SLC24A3: variants seen among roughly 807,000 people sequenced by gnomAD.
The protein encoded by SLC24A3 is sodium/potassium/calcium exchanger 3.
SLC24A3 carries 28 observed loss-of-function variants against 75.8 expected under a neutral mutation model. The observed-to-expected ratio is 0.37, with a 90% CI of 0.27 to 0.51. SLC24A3 has a LOEUF of 0.51. Ranked by LOEUF, SLC24A3 falls within the 20% of genes least tolerant of loss-of-function variation. The probability of loss-of-function intolerance (pLI) is 0.94; values close to 1 mark genes in which losing one functional copy is unlikely to be tolerated. For missense variants in SLC24A3, 663 were observed against 847.8 expected (o/e 0.78, Z 2.71); for synonymous variants, 372 against 334.1 (o/e 1.11, Z -1.24).
At chr20:19,361,181 C>T (rs900390016) in intron 2 of SLC24A3, among the ~76,000 whole-genome samples, 6 of 152,216 alleles carry the variant, frequency 3.9e-5, no homozygotes, top group African/African-American at 1.4e-4. Context: ...CACTGGCTCT[C>T]ACATGTGGAA....
intron 6 of SLC24A3, among the ~76,000 whole-genome samples, chr20:19,639,185 C>T (rs1023746262): frequency 1.3e-5 from 2 of 152,164 alleles, no homozygotes; most frequent in Admixed American, 6.5e-5. Flanking sequence ...TACCTAGATA[C>T]AGAGTGTCCA....
chr20:19,229,700 T>A (rs2122145728), intron 1 of SLC24A3, among the ~76,000 whole-genome samples: 1 of 152,258 alleles, frequency 6.6e-6, no homozygotes, highest in East Asian at 1.9e-4. Flanking sequence ...TGGCTTCTTG[T>A]TGGTTTTGGT....
intron 6 of SLC24A3, among the ~76,000 whole-genome samples, chr20:19,617,142 C>G (rs1184625393): frequency 6.6e-6 from 1 of 152,220 alleles, no homozygotes; most frequent in Non-Finnish European, 1.5e-5. Context: ...AGTCAAAGCT[C>G]AAAATGAATC....
At chr20:19,249,547 G>T (rs974352825) in intron 1 of SLC24A3, among the ~76,000 whole-genome samples, 1 of 152,106 alleles carries the variant, frequency 6.6e-6, no homozygotes, top group Non-Finnish European at 1.5e-5. Context: ...TTCATTTCCA[G>T]TGTGAACATA....
intron 2 of SLC24A3, among the ~76,000 whole-genome samples, chr20:19,298,062 G>T (rs149482122): frequency 1.3e-5 from 2 of 152,236 alleles, no homozygotes; most frequent in African/African-American, 2.4e-5. Flanking sequence ...CTGATTTGCC[G>T]AGTAAACAGC....
At chr20:19,338,518 T>C (rs563644743) in intron 2 of SLC24A3, among the ~76,000 whole-genome samples, 28 of 152,178 alleles carry the variant, frequency 1.8e-4, no homozygotes, top group Non-Finnish European at 3.5e-4. Context: ...GCTCAGTGCA[T>C]TGTCTTGGCC....
intron 6 of SLC24A3, among the ~76,000 whole-genome samples, chr20:19,651,860 CAA>C (rs11473740): frequency 1.2e-4 from 15 of 120,108 alleles, no homozygotes; most frequent in South Asian, 2.9e-4. Flanking sequence ...GACTCCATCT[CAA>C]AAAAAAAAAA....
chr20:19,572,380 A>G (rs1011365192), intron 3 of SLC24A3, among the ~76,000 whole-genome samples: 1 of 152,094 alleles, frequency 6.6e-6, no homozygotes, highest in African/African-American at 2.4e-5. Context: ...CAGGTCCATA[A>G]CCAAGCCAGC....
intron 3 of SLC24A3, among the ~76,000 whole-genome samples, chr20:19,515,876 C>T (rs756449966): frequency 6.6e-6 from 1 of 152,204 alleles, no homozygotes; most frequent in Admixed American, 6.5e-5. Flanking sequence ...CTTGGGGAGC[C>T]CTTTCCTAAC....
At chr20:19,509,716 G>A (rs1007373901) in intron 2 of SLC24A3, among the ~76,000 whole-genome samples, 1 of 152,246 alleles carries the variant, frequency 6.6e-6, no homozygotes, top group African/African-American at 2.4e-5. Flanking sequence ...TGTTCTCAGA[G>A]TTCTTCATCC....
Position 19,406,225 on chromosome 20 carries a change from T to TGAGA in SLC24A3, c.272-109262_272-109261insAGAG, listed in dbSNP as rs11087283. 9.2e-4 allele frequency among the ~76,000 whole-genome samples: 139 copies of TGAGA among 151,900 alleles called. 3 individuals are homozygous for TGAGA. Among genetic ancestry groups the TGAGA allele is most frequent in the Middle Eastern group, 3.4e-3 (1 of 294 alleles). ...GTGTGTGTGCGTGCGTGTGTGTGTG[T>TGAGA]GTGAGAGAGAGAGAAAGCATATCTA... On this transcript the variant is annotated intron_variant, in intron 2 of 16. Transcript: ENST00000328041.
At chr20:19,411,700 C>T (rs539673918) in intron 2 of SLC24A3, among the ~76,000 whole-genome samples, 1 of 152,296 alleles carries the variant, frequency 6.6e-6, no homozygotes, top group South Asian at 2.1e-4. Context: ...GCTTTGGCCA[C>T]CTTTCAGTCA....
chr20:19,409,681 T>A (rs1402878029), intron 2 of SLC24A3, among the ~76,000 whole-genome samples: 1 of 152,052 alleles, frequency 6.6e-6, no homozygotes, highest in Non-Finnish European at 1.5e-5. Context: ...AAATATTATG[T>A]GACTATTTAC....
chr20:19,348,016 C>G (rs889255639), intron 2 of SLC24A3, among the ~76,000 whole-genome samples: 1 of 152,192 alleles, frequency 6.6e-6, no homozygotes, highest in Non-Finnish European at 1.5e-5. Context: ...CTCTCTGATT[C>G]GGTCAACAGT....
At chr20:19,453,076 G>C (rs1040256475) in intron 2 of SLC24A3, among the ~76,000 whole-genome samples, 4 of 152,008 alleles carry the variant, frequency 2.6e-5, no homozygotes, top group African/African-American at 7.3e-5. Context: ...AGCTACTCAG[G>C]AGACTGAGGC....
intron 2 of SLC24A3, among the ~76,000 whole-genome samples, chr20:19,444,759 C>T (rs1268282998): frequency 6.6e-6 from 1 of 151,032 alleles, no homozygotes; most frequent in Non-Finnish European, 1.5e-5. Flanking sequence ...TTTAAAAGAA[C>T]TATCTTTTTG....
At chr20:19,419,479 T>TG (rs1986880818) in intron 2 of SLC24A3, among the ~76,000 whole-genome samples, 1 of 152,068 alleles carries the variant, frequency 6.6e-6, no homozygotes, top group Admixed American at 6.6e-5. Flanking sequence ...TTGCAAGTGA[T>TG]GGATTTAATA....
At chr20:19,670,725 A>G in intron 8 of SLC24A3, among the ~76,000 whole-genome samples, 1 of 152,200 alleles carries the variant, frequency 6.6e-6, no homozygotes, top group Non-Finnish European at 1.5e-5. Flanking sequence ...CATGAAGTGT[A>G]TGCTACGTAT....
chr20:19,659,561 G>A (rs922800633), intron 7 of SLC24A3, among the ~76,000 whole-genome samples: 1 of 152,186 alleles, frequency 6.6e-6, no homozygotes, highest in African/African-American at 2.4e-5. Flanking sequence ...GGACTGTGTT[G>A]GGTCTACTGA....
Sources: gnomAD v4.1 joint callset for allele counts (sites outside exome capture counted in the v4.1 genomes callset) on GRCh38, gnomAD v4.1.1 for gene constraint, MANE v1.5 for transcripts, NCBI Gene and HGNC (gene_info 2026-07-23, HGNC 2026-07-21) for gene names.